The following ARAP3 variants were observed in gnomAD, a reference collection of about 807,000 sequenced individuals.
The protein encoded by ARAP3 is arf-GAP with Rho-GAP domain, ANK repeat and PH domain-containing protein 3.
ARAP3 carries 82 observed loss-of-function variants against 169.2 expected under a neutral mutation model. The ratio of observed to expected loss-of-function variants is 0.48; its 90% CI spans 0.41 to 0.58. The LOEUF (loss-of-function observed/expected upper bound fraction) is 0.58, where lower values mean the gene tolerates loss of function less well. Among genes scored for constraint, ARAP3 ranks in the 20% least tolerant of loss-of-function variants. The pLI is 0.00. For synonymous variants in ARAP3, 791 were observed against 800.3 expected (o/e 0.99, Z 0.20); for missense variants, 1,764 against 2,018.0 (o/e 0.87, Z 2.41).
At chr5:141,657,509 T>C (rs949799550) in intron 25 of ARAP3, among the ~76,000 whole-genome samples, 1 of 152,246 alleles carries the variant, frequency 6.6e-6, no homozygotes, top group Non-Finnish European at 1.5e-5. Context: ...AAATATTCAC[T>C]TGGCTGCTGC....
At chr5:141,666,737 A>G (rs2099910701) in intron 16 of ARAP3, 94 bp from the exon 17 acceptor site, 6 of 563,118 alleles carry the variant, frequency 1.1e-5, no homozygotes, top group South Asian at 5.3e-5. Flanking sequence ...AGCGAAAAGC[A>G]GAGAAAAACA....
At chr5:141,665,856 C>T (rs904043142) in intron 17 of ARAP3, among the ~76,000 whole-genome samples, 1 of 151,834 alleles carries the variant, frequency 6.6e-6, no homozygotes, top group African/African-American at 2.4e-5. Flanking sequence ...CATGGTGAAA[C>T]CCCTTCTCTA....
At chr5:141,668,184 T>C (rs1376741316) in intron 16 of ARAP3, among the ~76,000 whole-genome samples, 1 of 152,052 alleles carries the variant, frequency 6.6e-6, no homozygotes, top group African/African-American at 2.4e-5. Flanking sequence ...CAGCTCACTG[T>C]AGGCTCAAAC....
Position 141,676,096 on chromosome 5 carries a change from A to C in ARAP3, c.699-2288T>G, listed in dbSNP as rs1440623027. 2.0e-5 allele frequency among the ~76,000 whole-genome samples: 3 copies of C among 152,174 alleles called. 1 individual carries two copies. The highest frequency in any genetic ancestry group is 4.4e-5 in the Non-Finnish European group (3 of 68,026). On this transcript the variant is annotated intron_variant, in intron 4 of 32. Coordinates refer to ENST00000239440, the MANE Select transcript of ARAP3 (RefSeq NM_022481.6). ...TCTTGTTGGACAGGTACGGTGGCTC[A>C]CGCCTGTAATCCCAGCACTTTGGCA...
In ARAP3 at chr5:141,671,875, C is replaced by A; in HGVS notation, c.1671+20G>T. 6.2e-7 allele frequency: 1 copy of A among 1,614,192 alleles called. No individual in the cohort carries two copies. The highest frequency in any genetic ancestry group is 1.7e-4 in the Middle Eastern group (1 of 6,060). On this transcript the variant is annotated intron_variant, in intron 11 of 32. Coordinates refer to ENST00000239440, the MANE Select transcript of ARAP3 (RefSeq NM_022481.6). The surrounding 1 kb of genome is among the most constrained non-coding windows in gnomAD (Gnocchi z 4.9). ...CGCTCCCTTCTACGCCTCCCACCTT[C>A]TCCCTCTTCGCCCGCTCACCTGTAC...
intron 32 of ARAP3, 138 bp downstream of exon 32, chr5:141,655,224 C>CCACACA (rs1562400989): frequency 2.8e-5 from 12 of 430,526 alleles, no homozygotes; most frequent in Admixed American, 1.8e-4. Flanking sequence ...CCCTGATGGC[C>CCACACA]TACACACACA....
intron 25 of ARAP3, among the ~76,000 whole-genome samples, chr5:141,657,574 T>C (rs2154598711): frequency 6.6e-6 from 1 of 152,394 alleles, no homozygotes; most frequent in East Asian, 1.9e-4. Context: ...CTATCCCCTT[T>C]CTGGGGCCAC....
chr5:141,673,583 C>A, intron 5 of ARAP3, 22 bp downstream of exon 5: 1 of 1,612,570 alleles, frequency 6.2e-7, no homozygotes. Flanking sequence ...TTTTCTCCCT[C>A]CCTTCCCCTC....
At chr5:141,665,841 G>A (rs932229955) in intron 17 of ARAP3, among the ~76,000 whole-genome samples, 1 of 151,910 alleles carries the variant, frequency 6.6e-6, no homozygotes, top group Admixed American at 6.6e-5. Context: ...GACCAGCCTG[G>A]CCAACATGGT....
intron 25 of ARAP3, 41 bp downstream of exon 25, chr5:141,658,324 C>A (rs1348502032): frequency 6.3e-7 from 1 of 1,595,746 alleles, no homozygotes; most frequent in East Asian, 2.2e-5. Flanking sequence ...CACACACACG[C>A]ATATACACAT....
Position 141,672,741 on chromosome 5 carries a change from C to A in ARAP3, c.1278G>T (p.Gln426His). Residue 426 changes from glutamine to histidine, a missense_variant and splice_region_variant, in exon 8 of 33, where the codon CAG becomes CAT. This residue lies in a region of ARAP3 where 630 missense variants were observed against 678.7 expected (regional missense o/e 0.93). Transcript: ENST00000239440. This position sits in a 1 kb window ranked among gnomAD's most constrained non-coding sequence, Gnocchi z 4.9. ...PGELALYKSEQAFSLGIGICF... is the reference protein window; with the variant it reads ...PGELALYKSEHAFSLGIGICF... ...TCAGCCCTGGCCCGGCTCTCCTCAC[C>A]TGCTCACTCTTGTACAGTGCCAGCT... 1 of 1,614,136 alleles carries A rather than the reference C, an allele frequency of 6.2e-7. No homozygotes were observed. Among genetic ancestry groups the A allele is most frequent in the Non-Finnish European group, 8.5e-7 (1 of 1,179,998 alleles).
At chr5:141,678,908 A>T (rs1045483575) in intron 4 of ARAP3, among the ~76,000 whole-genome samples, 1 of 152,326 alleles carries the variant, frequency 6.6e-6, no homozygotes. Context: ...AAGGGCAGGG[A>T]TTTCTGTGTA....
intron 16 of ARAP3, 23 bp from the exon 17 acceptor site, chr5:141,666,666 G>A: frequency 7.9e-7 from 1 of 1,261,464 alleles, no homozygotes; most frequent in Non-Finnish European, 1.0e-6. Context: ...GGGGAGGACA[G>A]GAGAAAGGGG....
At position 141,666,552 on chromosome 5, in the gene ARAP3, G is replaced by C; in HGVS notation, c.2444C>G (p.Pro815Arg). ...CCCTGACAGCCAGAGACCAGGGGCC[G>C]GGGCTGTATGGGAGGGGGACCGCAG... ...LWLRSPSHTA[P>R]APGLWLSGFG... The change falls in exon 17 of 33, where the codon CCG (proline) becomes CGG (arginine). Residue 815 changes from proline to arginine, a missense_variant. Transcript: ENST00000239440. 7.0e-6 allele frequency: 11 copies of C among 1,581,928 alleles called. No homozygotes were observed. The highest frequency in any genetic ancestry group is 9.4e-6 in the Non-Finnish European group (11 of 1,165,480).
intron 23 of ARAP3, among the ~76,000 whole-genome samples, 174 bp downstream of exon 23, chr5:141,659,234 C>G (rs567999048): frequency 1.3e-5 from 2 of 152,252 alleles, no homozygotes; most frequent in East Asian, 3.9e-4. Flanking sequence ...AAACCCTAAC[C>G]AAACCCCACT....
intron 27 of ARAP3, 28 bp from the exon 28 acceptor site, chr5:141,656,304 T>C: frequency 6.2e-7 from 1 of 1,613,172 alleles, no homozygotes; most frequent in Non-Finnish European, 8.5e-7. Flanking sequence ...GTCAGCGAGA[T>C]GGAGAGATGA....
chr5:141,657,810 T>C (rs10075524), intron 25 of ARAP3, among the ~76,000 whole-genome samples: 74,547 of 151,886 alleles, frequency 0.49, 19,377 homozygotes, highest in African/African-American at 0.68. Flanking sequence ...TTGGGAAAAA[T>C]TGGAGAATGG....
chr5:141,673,956 CTTCTTTTT>C, intron 4 of ARAP3, 148 bp from the exon 5 acceptor site: 1 of 541,050 alleles, frequency 1.8e-6, no homozygotes, highest in African/African-American at 2.2e-5. Flanking sequence ...CTTTTCTTTT[CTTCTTTTT>C]TTTTTTTTTT....
At chr5:141,673,919 T>G in intron 4 of ARAP3, 111 bp from the exon 5 acceptor site, 2 of 905,142 alleles carry the variant, frequency 2.2e-6, no homozygotes, top group Non-Finnish European at 1.6e-6. Flanking sequence ...GCCTGGCAGG[T>G]ACTGGATCTG....
Sources: gnomAD v4.1 joint callset for allele counts (sites outside exome capture counted in the v4.1 genomes callset) on GRCh38, gnomAD v4.1.1 for gene constraint, gnomAD v4.1.1 regional missense constraint, Gnocchi (gnomAD v3.1) non-coding constraint, MANE v1.5 for transcripts, NCBI Gene and HGNC (gene_info 2026-07-23, HGNC 2026-07-21) for gene names.